The following ERC2 variants were observed in gnomAD, a reference collection of about 807,000 sequenced individuals.
The protein encoded by ERC2 is ERC protein 2.
Under a neutral mutation model 114.8 loss-of-function variants are expected in ERC2, and 42 were observed. That is an observed-to-expected ratio of 0.37 (90% CI 0.29 to 0.47). The LOEUF (loss-of-function observed/expected upper bound fraction) is 0.47, where lower values mean the gene tolerates loss of function less well. Among genes scored for constraint, ERC2 ranks in the 20% least tolerant of loss-of-function variants. The pLI is 0.99. For synonymous variants in ERC2, 454 were observed against 425.5 expected (o/e 1.07, Z -0.82); for missense variants, 939 against 1,150.7 (o/e 0.82, Z 2.66).
intron 6 of ERC2, among the ~76,000 whole-genome samples, chr3:56,106,651 G>A (rs1442268748): frequency 6.6e-6 from 1 of 152,188 alleles, no homozygotes. Flanking sequence ...GCAAGGCAGA[G>A]AGAAAAGCCA....
intron 3 of ERC2, among the ~76,000 whole-genome samples, chr3:56,184,295 T>C (rs2083461697): frequency 6.6e-6 from 1 of 152,160 alleles, no homozygotes; most frequent in Admixed American, 6.5e-5. Context: ...AGTTCAATAA[T>C]TATTGGACAC....
At chr3:56,351,511 G>C (rs1255501893) in intron 2 of ERC2, among the ~76,000 whole-genome samples, 6 of 152,048 alleles carry the variant, frequency 3.9e-5, no homozygotes, top group Non-Finnish European at 8.8e-5. Context: ...AAGAGAGACA[G>C]AAAGAAAAAA....
intron 15 of ERC2, among the ~76,000 whole-genome samples, chr3:55,719,563 C>T (rs567380542): frequency 6.6e-6 from 1 of 152,148 alleles, no homozygotes; most frequent in Non-Finnish European, 1.5e-5. Context: ...GTTGGGTCTG[C>T]TCCATTCCAT....
At chr3:56,109,040 C>T (rs1031777931) in intron 6 of ERC2, among the ~76,000 whole-genome samples, 2 of 151,976 alleles carry the variant, frequency 1.3e-5, no homozygotes, top group African/African-American at 2.4e-5. Context: ...ATTTTAGATT[C>T]GAGGATACAT....
chr3:56,429,638 C>T (rs1169652986), intron 2 of ERC2, among the ~76,000 whole-genome samples: 1 of 152,188 alleles, frequency 6.6e-6, no homozygotes, highest in Non-Finnish European at 1.5e-5. Flanking sequence ...TTCAGTGCTG[C>T]AACTCTTAGT....
At chr3:55,799,460 T>TGC (rs72311184) in intron 14 of ERC2, among the ~76,000 whole-genome samples, 53 of 140,112 alleles carry the variant, frequency 3.8e-4, no homozygotes, top group African/African-American at 1.3e-3. Flanking sequence ...CATATATATA[T>TGC]ATATATATAT....
chr3:56,317,899 A>G (rs988343138), intron 2 of ERC2, among the ~76,000 whole-genome samples: 1 of 152,216 alleles, frequency 6.6e-6, no homozygotes, highest in Non-Finnish European at 1.5e-5. Flanking sequence ...ATGGTATCTG[A>G]GCAAAGACCT....
chr3:55,661,009 C>G (rs1395364668), intron 17 of ERC2, among the ~76,000 whole-genome samples: 1 of 152,206 alleles, frequency 6.6e-6, no homozygotes, highest in African/African-American at 2.4e-5. Context: ...CCTTACCCTG[C>G]TCCAGTTGCT....
chr3:56,186,427 G>T (rs1285565000), intron 3 of ERC2, among the ~76,000 whole-genome samples: 2 of 151,988 alleles, frequency 1.3e-5, no homozygotes, highest in Non-Finnish European at 2.9e-5. Context: ...CTCATTCAAG[G>T]GCATAAAGAA....
chr3:56,448,367 G>A (rs900319331), intron 1 of ERC2, among the ~76,000 whole-genome samples: 4 of 152,164 alleles, frequency 2.6e-5, no homozygotes, highest in African/African-American at 4.8e-5. Context: ...TAACAAACTG[G>A]TAAACAAAAT....
chr3:56,382,001 T>C (rs994941940), intron 2 of ERC2, among the ~76,000 whole-genome samples: 4 of 152,094 alleles, frequency 2.6e-5, no homozygotes, highest in Admixed American at 6.6e-5. Context: ...AAGTACTTCA[T>C]ACCTTCTCCT....
At chr3:56,134,978 G>A (rs1192473203) in intron 6 of ERC2, among the ~76,000 whole-genome samples, 1 of 149,936 alleles carries the variant, frequency 6.7e-6, no homozygotes, top group Non-Finnish European at 1.5e-5. Context: ...ATGGAGTCTC[G>A]CTCTGTCACC....
intron 14 of ERC2, among the ~76,000 whole-genome samples, chr3:55,832,788 C>T (rs549507262): frequency 6.6e-6 from 1 of 152,252 alleles, no homozygotes; most frequent in East Asian, 1.9e-4. Context: ...GAGAAGAAGG[C>T]CTCAGACGAT....
chr3:55,682,793 A>G (rs1277484974), intron 17 of ERC2, among the ~76,000 whole-genome samples: 1 of 152,192 alleles, frequency 6.6e-6, no homozygotes. Context: ...AATCAACCAC[A>G]TTCCTTGTTC....
At chr3:55,612,174 T>G (rs111751282) in intron 17 of ERC2, among the ~76,000 whole-genome samples, 1,684 of 152,282 alleles carry the variant, frequency 0.011, 31 homozygotes, top group African/African-American at 0.038. Flanking sequence ...GAATGAGTTG[T>G]GCGTTTTTTG....
intron 17 of ERC2, among the ~76,000 whole-genome samples, chr3:55,541,473 T>C (rs1012029498): frequency 3.3e-5 from 5 of 152,182 alleles, no homozygotes; most frequent in Non-Finnish European, 5.9e-5. Flanking sequence ...GGGTTGACTT[T>C]CCATTGTAAA....
At chr3:56,269,870 G>T (rs1198077780) in intron 3 of ERC2, among the ~76,000 whole-genome samples, 4 of 152,122 alleles carry the variant, frequency 2.6e-5, no homozygotes, top group Admixed American at 2.6e-4. Flanking sequence ...ACACTTAAAG[G>T]GTGAGGCTCT....
At chr3:55,969,898 C>G (rs942021450) in intron 12 of ERC2, among the ~76,000 whole-genome samples, 4 of 152,138 alleles carry the variant, frequency 2.6e-5, no homozygotes, top group African/African-American at 7.2e-5. Context: ...AGGCCATACC[C>G]TGAGCATTTA....
intron 6 of ERC2, among the ~76,000 whole-genome samples, chr3:56,107,992 T>C (rs989670346): frequency 1.3e-5 from 2 of 152,292 alleles, no homozygotes; most frequent in South Asian, 2.1e-4. Flanking sequence ...TCCTTATTAG[T>C]ATGGATACAA....
Sources: gnomAD v4.1 joint callset for allele counts (sites outside exome capture counted in the v4.1 genomes callset) on GRCh38, gnomAD v4.1.1 for gene constraint, MANE v1.5 for transcripts, NCBI Gene and HGNC (gene_info 2026-07-23, HGNC 2026-07-21) for gene names.